Variants in ZNF649 observed in about 807,000 individuals in gnomAD.
ZNF649 encodes zinc finger protein 649.
Under a neutral mutation model 14.1 loss-of-function variants are expected in ZNF649, and 7 were observed. The ratio of observed to expected loss-of-function variants is 0.49; its 90% confidence interval spans 0.28 to 0.93. ZNF649 has a LOEUF of 0.93. Among genes scored for constraint, ZNF649 ranks in the 40% least tolerant of loss-of-function variants. ZNF649 has a pLI of 0.10. For synonymous variants in ZNF649, 227 were observed against 212.3 expected (o/e 1.07, Z -0.60); for missense variants, 544 against 608.1 (o/e 0.89, Z 1.11).
At chr19:51,892,767 TAAAAC>T (rs1328545044) in intron 4 of ZNF649, among the ~76,000 whole-genome samples, 2 of 152,162 alleles carry the variant, frequency 1.3e-5, no homozygotes, top group African/African-American at 4.8e-5. Flanking sequence ...TAACCTTTGT[TAAAAC>T]AGAGATCACA....
Position 51,891,018 on chromosome 19 carries a change from G to A in ZNF649, c.1118C>T (p.Pro373Leu). 6.2e-7 allele frequency: 1 copy of A among 1,614,164 alleles called. No homozygotes were observed. Among genetic ancestry groups the A allele is most frequent in the East Asian group, 2.2e-5 (1 of 44,888 alleles). Residue 373 changes from proline to leucine, a missense_variant, in exon 5 of 5, where the codon CCC (proline) becomes CTC (leucine). By Grantham distance (98) the Pro-to-Leu change is moderately conservative. Transcript: ENST00000354957. The surrounding 1 kb of genome is among the most constrained non-coding windows in gnomAD (Gnocchi z 4.2). ...TTGCCCACATTCAGGACATACAAAG[G>A]GAGTCTTTCCTGTATGATATCTCTG... ...AHQRYHTGKT[P>L]FVCPECGQPC...
chr19:51,896,390 T>G, intron 4 of ZNF649, 82 bp downstream of exon 4: 1 of 1,276,500 alleles, frequency 7.8e-7, no homozygotes. Flanking sequence ...CCCTAGACAC[T>G]TTCACAACTG....
intron 2 of ZNF649, among the ~76,000 whole-genome samples, chr19:51,899,324 C>T (rs986066610): frequency 2.6e-5 from 4 of 152,214 alleles, no homozygotes; most frequent in African/African-American, 9.6e-5. Context: ...GACAACATGA[C>T]ATTCTAAAGC....
At chr19:51,892,052 T>C (rs970188881) in intron 4 of ZNF649, among the ~76,000 whole-genome samples, 155 bp from the exon 5 acceptor site, 2 of 152,170 alleles carry the variant, frequency 1.3e-5, no homozygotes, top group African/African-American at 4.8e-5. Context: ...TTAAAAAAAC[T>C]TTTAAGAATT....
At chr19:51,894,312 TATG>T (rs1425414211) in intron 4 of ZNF649, among the ~76,000 whole-genome samples, 1 of 152,094 alleles carries the variant, frequency 6.6e-6, no homozygotes, top group Non-Finnish European at 1.5e-5. Flanking sequence ...TTTTGTATTT[TATG>T]TAGAGACAGG....
At position 51,894,737 on chromosome 19, in the gene ZNF649, C is replaced by T. The variant is rs576113616; in HGVS notation, c.238+1735G>A. 4.6e-5 allele frequency among the ~76,000 whole-genome samples: 7 copies of T among 152,156 alleles called. No individual in the cohort carries two copies. The South Asian group carries it at 1.5e-3, about 32-fold the overall frequency. ...TAAAAATTTGCCCTATTTTTGCTAA[C>T]AAAATCTTTGCTCAAGAAAGACATT... On this transcript the variant is annotated intron_variant, in intron 4 of 4. Coordinates refer to ENST00000354957, the MANE Select transcript of ZNF649 (RefSeq NM_023074.4).
chr19:51,897,214 G>C, intron 2 of ZNF649: 1 of 456,864 alleles, frequency 2.2e-6, no homozygotes, highest in East Asian at 4.2e-5. Flanking sequence ...CACATCCTGA[G>C]AATACTATAT....
chr19:51,902,304 T>C (rs1243031317), intron 1 of ZNF649, among the ~76,000 whole-genome samples: 2 of 152,228 alleles, frequency 1.3e-5, no homozygotes, highest in Non-Finnish European at 2.9e-5. Flanking sequence ...TGTATCTAGA[T>C]ATAGTGTCAG....
intron 1 of ZNF649, among the ~76,000 whole-genome samples, chr19:51,902,362 G>C (rs757267201): frequency 6.6e-6 from 1 of 152,172 alleles, no homozygotes; most frequent in Non-Finnish European, 1.5e-5. Context: ...AACTTCAGAC[G>C]CAAGTTGCAA....
rs2085003390 is a variant in ZNF649 at position 51,889,660 on chromosome 19, TA to T, written c.*957del. 2 of 152,190 alleles carry T rather than the reference TA, an allele frequency of 1.3e-5. No individual in the cohort carries two copies. The highest frequency in any genetic ancestry group is 4.8e-5 in the African/African-American group (2 of 41,448). 9.4% of individuals were successfully genotyped at this position (152,190 alleles called of 1,614,324 possible). A position where few individuals can be genotyped will look rare whatever the true frequency, so the allele number is the denominator to read the frequency against. ...CCTTAGGGATTAGGACTTCAACATGTAAATTTGGAGAGGACATAAATATGCA... is the reference window on the plus strand; with the variant it reads ...CCTTAGGGATTAGGACTTCAACATGTAATTTGGAGAGGACATAAATATGCA... On this transcript the variant is annotated 3_prime_UTR_variant, in exon 5 of 5. Coordinates refer to ENST00000354957, the MANE Select transcript of ZNF649 (RefSeq NM_023074.4).
rs1568457974 is a variant in ZNF649 at position 51,904,561 on chromosome 19, C to G, written c.-188+353G>C. Among the ~76,000 whole-genome samples, 5 of 152,266 alleles carry G rather than the reference C, an allele frequency of 3.3e-5. No individual in the cohort carries two copies. In the South Asian group the frequency reaches 1.0e-3, roughly 32 times the overall value. On this transcript the variant is annotated intron_variant, in intron 1 of 4. Transcript: ENST00000354957. ...AAAACCTACACCACACACCCTCGTA[C>G]GCTGCCCAGCACCCCGGCTTCATCA...
Position 51,891,131 on chromosome 19 carries a change from T to G in ZNF649, c.1005A>C (p.Ile335=). ...KGFIQKGNLN[I]HQRTHTGEKP... ...TCTCTCCAGTGTGAGTTCGTTGATG[T>G]ATGTTGAGATTGCCCTTCTGAATGA... The change falls in exon 5 of 5, where the codon ATA becomes ATC. Residue 335 remains isoleucine, a synonymous_variant. Coordinates refer to ENST00000354957, the MANE Select transcript of ZNF649 (RefSeq NM_023074.4). This position sits in a 1 kb window ranked among gnomAD's most constrained non-coding sequence, Gnocchi z 4.2. 2 of 1,614,166 alleles carry G rather than the reference T, an allele frequency of 1.2e-6. No individual in the cohort carries two copies. The highest frequency in any genetic ancestry group is 1.7e-6 in the Non-Finnish European group (2 of 1,180,010).
intron 1 of ZNF649, among the ~76,000 whole-genome samples, chr19:51,902,320 A>G (rs2085099709): frequency 6.6e-6 from 1 of 152,224 alleles, no homozygotes; most frequent in African/African-American, 2.4e-5. Flanking sequence ...GTCAGACACC[A>G]CAGATTAAGG....
rs947720730 is a variant in ZNF649, at chr19:51,889,718, CAAGG to C, written c.*896_*899del. On this transcript the variant is annotated 3_prime_UTR_variant, in exon 5 of 5. Coordinates refer to ENST00000354957, the MANE Select transcript of ZNF649 (RefSeq NM_023074.4). ...CACAATGATGTATGCTATAAAATCTCAAGGAATCAAATGACAAGGATTTACAGTT... is the reference window on the plus strand; with the variant it reads ...CACAATGATGTATGCTATAAAATCTCAATCAAATGACAAGGATTTACAGTT... 4.6e-5 allele frequency: 7 copies of C among 152,146 alleles called. No individual in the cohort carries two copies. Among genetic ancestry groups the C allele is most frequent in the South Asian group, 2.1e-4 (1 of 4,818 alleles). 9.4% of individuals were successfully genotyped at this position (152,146 alleles called of 1,614,324 possible).
Position 51,900,144 on chromosome 19 carries a change from G to C in ZNF649, c.-37C>G. 4 of 1,479,548 alleles carry C rather than the reference G, an allele frequency of 2.7e-6. No individual in the cohort carries two copies. The East Asian group carries it at 7.2e-5, about 27-fold the overall frequency. The allele number at this position is 1,479,548 out of a possible 1,614,324, so 91.7% of individuals were successfully genotyped here. A position where few individuals can be genotyped will look rare whatever the true frequency, so the allele number is the denominator to read the frequency against. ...TCAGGAAATACCCAAGAACTGGGAT[G>C]CTTCGTCTTTGGTTTCTTCTGGATC... On this transcript the variant is annotated 5_prime_UTR_variant, in exon 2 of 5. Coordinates refer to ENST00000354957, the MANE Select transcript of ZNF649 (RefSeq NM_023074.4).
chr19:51,896,243 A>G, intron 4 of ZNF649: 2 of 376,208 alleles, frequency 5.3e-6, no homozygotes, highest in South Asian at 4.6e-5. Context: ...AGGGGAAGCA[A>G]CTCAACATCT....
Position 51,896,523 on chromosome 19 carries a change from C to T in ZNF649, c.187G>A (p.Gly63Arg). ...KPDALTKLEQGEPLWTLEDEI... is the reference protein window; with the variant it reads ...KPDALTKLEQREPLWTLEDEI... ...TCTTCTAGTGTCCATAGTGGTTCTC[C>T]TTGTTCCAACTTGGTGAGGGCATCA... The change falls in exon 4 of 5, where the codon GGA becomes AGA. Residue 63 changes from glycine (G) to arginine (R), a missense_variant. Coordinates refer to ENST00000354957, the MANE Select transcript of ZNF649 (RefSeq NM_023074.4). The T allele has an allele frequency of 6.2e-7, 1 of 1,614,148 alleles. No individual in the cohort carries two copies.
At chr19:51,899,926 G>A (rs2085085660) in intron 2 of ZNF649, 167 bp downstream of exon 2, 2 of 489,490 alleles carry the variant, frequency 4.1e-6, no homozygotes, top group South Asian at 1.6e-4. Context: ...TGTGAACAAA[G>A]TATTTGTGAT....
chr19:51,892,809 C>T (rs1289276732), intron 4 of ZNF649, among the ~76,000 whole-genome samples: 1 of 152,152 alleles, frequency 6.6e-6, no homozygotes, highest in Non-Finnish European at 1.5e-5. Context: ...CTCTTTGTAG[C>T]AATAAGATAC....
Sources: gnomAD v4.1 joint callset for allele counts (sites outside exome capture counted in the v4.1 genomes callset) on GRCh38, gnomAD v4.1.1 for gene constraint, Gnocchi (gnomAD v3.1) non-coding constraint, MANE v1.5 for transcripts, NCBI Gene and HGNC (gene_info 2026-07-23, HGNC 2026-07-21) for gene names.